RNF150: variants seen among roughly 807,000 people sequenced by gnomAD.
RNF150 encodes the protein ring finger protein 150.
A neutral mutation model predicts 39.3 loss-of-function variants in RNF150; 24 were observed. That is an observed-to-expected ratio of 0.61 (90% CI 0.44 to 0.86). The LOEUF is 0.86. Ranked by LOEUF, RNF150 falls within the 40% of genes least tolerant of loss-of-function variation. The pLI is 0.00. For synonymous variants in RNF150, 255 were observed against 227.3 expected, an observed-to-expected ratio of 1.12 and a Z score of -1.10; for missense variants, 502 against 587.8, an observed-to-expected ratio of 0.85 and a Z score of 1.51.
rs986067350 is a variant in RNF150 at position 140,945,502 on chromosome 4, T to C, written c.890+2152A>G. On this transcript the variant is annotated intron_variant, in intron 4 of 6. Transcript: ENST00000515673. ...GCAGTCTCTAGCAATTATATATATA[T>C]ACACATATACACACACTACATATAT... Among the ~76,000 whole-genome samples the C allele has an allele frequency of 4.0e-5, 6 of 149,702 alleles. No homozygotes were observed. The South Asian group carries it at 6.3e-4, about 16-fold the overall frequency.
intron 1 of RNF150, among the ~76,000 whole-genome samples, chr4:140,982,452 T>C (rs1035290624): frequency 1.3e-5 from 2 of 152,092 alleles, no homozygotes; most frequent in Non-Finnish European, 2.9e-5. Context: ...AAAGTGTTTT[T>C]ATATTTATTC....
chr4:141,144,497 G>A (rs946680044), intron 1 of RNF150, among the ~76,000 whole-genome samples: 3 of 152,146 alleles, frequency 2.0e-5, no homozygotes, highest in African/African-American at 7.2e-5. Context: ...TATGTGGAGA[G>A]ATCGTGAATT....
At chr4:141,047,425 C>T (rs1736622363) in intron 1 of RNF150, among the ~76,000 whole-genome samples, 1 of 152,070 alleles carries the variant, frequency 6.6e-6, no homozygotes, top group Non-Finnish European at 1.5e-5. Flanking sequence ...TAAATGTGCA[C>T]GTTCCCAGAA....
At chr4:141,144,984 T>G (rs568736931) in intron 1 of RNF150, among the ~76,000 whole-genome samples, 1 of 152,272 alleles carries the variant, frequency 6.6e-6, no homozygotes, top group South Asian at 2.1e-4. Flanking sequence ...GGCAAAAGAG[T>G]AACACATGGT....
At chr4:141,101,188 GCTTA>G (rs1259278595) in intron 1 of RNF150, among the ~76,000 whole-genome samples, 1 of 151,994 alleles carries the variant, frequency 6.6e-6, no homozygotes, top group Non-Finnish European at 1.5e-5. Context: ...TACTTTATAA[GCTTA>G]CTTTTTAACT....
intron 1 of RNF150, among the ~76,000 whole-genome samples, chr4:141,068,724 T>C (rs951693291): frequency 2.2e-5 from 3 of 139,460 alleles, no homozygotes; most frequent in African/African-American, 7.9e-5. Context: ...TTTTATCCTC[T>C]TTTGTTTCCT....
chr4:140,925,469 A>G (rs1282841535), intron 5 of RNF150, among the ~76,000 whole-genome samples: 1 of 152,152 alleles, frequency 6.6e-6, no homozygotes, highest in African/African-American at 2.4e-5. Flanking sequence ...TGTTCACTCA[A>G]AGTCTCCACA....
chr4:140,959,173 T>G (rs1428602491), intron 2 of RNF150, among the ~76,000 whole-genome samples: 2 of 152,188 alleles, frequency 1.3e-5, no homozygotes, highest in African/African-American at 2.4e-5. Flanking sequence ...CCTGGCCTGC[T>G]TAAGACTCTG....
intron 1 of RNF150, among the ~76,000 whole-genome samples, chr4:141,089,077 G>A (rs1433017224): frequency 6.6e-6 from 1 of 152,096 alleles, no homozygotes; most frequent in Non-Finnish European, 1.5e-5. Flanking sequence ...GTGTTCTATG[G>A]CCCAGAGGCC....
Position 140,867,381 on chromosome 4 carries a change from GTT to G in RNF150, c.*878_*879del, listed in dbSNP as rs1211575939. On this transcript the variant is annotated 3_prime_UTR_variant, in exon 7 of 7. Coordinates refer to ENST00000515673, the MANE Select transcript of RNF150 (RefSeq NM_020724.2). ...CAATAGGAAGAAAATGTGGTATCTG[GTT>G]TTAAAACCAGCCCTACAACCACCAA... 6.6e-6 allele frequency: 1 copy of G among 152,178 alleles called. No individual in the cohort carries two copies. The highest frequency in any genetic ancestry group is 2.4e-5 in the African/African-American group (1 of 41,438). The allele number at this position is 152,178 out of a possible 1,614,324, so 9.4% of individuals were successfully genotyped here.
chr4:141,070,612 C>G (rs11932098), intron 1 of RNF150, among the ~76,000 whole-genome samples: 95 of 150,672 alleles, frequency 6.3e-4, no homozygotes, highest in African/African-American at 2.2e-3. Flanking sequence ...ATTTATGCAG[C>G]CAAAAAACAC....
At chr4:140,875,771 A>G (rs749747290) in intron 6 of RNF150, among the ~76,000 whole-genome samples, 39 of 151,884 alleles carry the variant, frequency 2.6e-4, no homozygotes, top group Non-Finnish European at 5.0e-4. Context: ...TATGTGTTCT[A>G]TTAACTTGAC....
In RNF150 at chr4:141,117,257, G is replaced by A. The variant is rs565225062; in HGVS notation, c.484+15068C>T. Among the ~76,000 whole-genome samples, 11 of 152,234 alleles carry A rather than the reference G, an allele frequency of 7.2e-5. No individual in the cohort carries two copies. The South Asian group carries it at 2.3e-3, about 32-fold the overall frequency. On this transcript the variant is annotated intron_variant, in intron 1 of 6. Transcript: ENST00000515673. ...TAACTTACACTAAGAAGTGTTTCTT[G>A]TGCAACACAAAGAATTGCATTGCTA... is the stretch of plus-strand genomic sequence containing the variant.
intron 1 of RNF150, among the ~76,000 whole-genome samples, chr4:141,203,026 G>C (rs1728313757): frequency 6.7e-6 from 1 of 148,488 alleles, no homozygotes; most frequent in Non-Finnish European, 1.5e-5. Context: ...TTGTCTCCAT[G>C]ACCAATGAGT....
intron 4 of RNF150, among the ~76,000 whole-genome samples, chr4:140,930,748 C>T (rs1242347786): frequency 6.6e-6 from 1 of 152,164 alleles, no homozygotes; most frequent in Non-Finnish European, 1.5e-5. Flanking sequence ...CTCTTCATCC[C>T]ACTCATTGTT....
chr4:140,976,230 C>A (rs1329452439), intron 1 of RNF150, among the ~76,000 whole-genome samples: 3 of 152,118 alleles, frequency 2.0e-5, no homozygotes, highest in Non-Finnish European at 4.4e-5. Context: ...ATCTCCAGAT[C>A]ATTACTTCTA....
intron 1 of RNF150, among the ~76,000 whole-genome samples, chr4:140,993,542 C>T (rs1734265727): frequency 6.6e-6 from 1 of 152,322 alleles, no homozygotes; most frequent in Non-Finnish European, 1.5e-5. Flanking sequence ...TGGAGTAGGC[C>T]TCCAGGGGCA....
At chr4:141,148,410 G>T (rs1718971171) in intron 1 of RNF150, among the ~76,000 whole-genome samples, 1 of 152,032 alleles carries the variant, frequency 6.6e-6, no homozygotes, top group African/African-American at 2.4e-5. Context: ...GTCAGTAACT[G>T]CCCCTGGACA....
chr4:141,074,600 G>A (rs7689478), intron 1 of RNF150, among the ~76,000 whole-genome samples: 2,159 of 152,178 alleles, frequency 0.014, 57 homozygotes, highest in African/African-American at 0.049. Flanking sequence ...AAGCCCAGAG[G>A]CTAGGACTGG....
Sources: gnomAD v4.1 joint callset for allele counts (sites outside exome capture counted in the v4.1 genomes callset) on GRCh38, gnomAD v4.1.1 for gene constraint, MANE v1.5 for transcripts, NCBI Gene and HGNC (gene_info 2026-07-23, HGNC 2026-07-21) for gene names.